AFF3: variants seen among roughly 807,000 people sequenced by gnomAD.
The protein encoded by AFF3 is ALF transcription elongation factor 3.
In AFF3, 32 loss-of-function variants were observed where a neutral mutation model predicts 129.7. The observed-to-expected ratio is 0.25, with a 90% confidence interval of 0.19 to 0.33. The LOEUF (loss-of-function observed/expected upper bound fraction) is 0.33. AFF3 is among the 10% of genes least tolerant of loss of function. The pLI is 1.00. For missense variants in AFF3, 1,373 were observed against 1,592.0 expected (o/e 0.86, Z 2.34); for synonymous variants, 644 against 635.4 (o/e 1.01, Z -0.20).
intron 2 of AFF3, among the ~76,000 whole-genome samples, chr2:100,119,765 G>A (rs1387854620): frequency 2.0e-5 from 3 of 152,204 alleles, no homozygotes; most frequent in African/African-American, 7.2e-5. Context: ...CAGCAACAGT[G>A]TTGCATGTCA....
intron 7 of AFF3, among the ~76,000 whole-genome samples, chr2:99,850,043 T>C (rs1690032011): frequency 6.6e-6 from 1 of 152,204 alleles, no homozygotes; most frequent in Non-Finnish European, 1.5e-5. Flanking sequence ...AATTATAAAG[T>C]ATAGTAGAAT....
At chr2:100,002,575 C>T (rs561174370) in intron 7 of AFF3, among the ~76,000 whole-genome samples, 49 of 152,262 alleles carry the variant, frequency 3.2e-4, no homozygotes, top group African/African-American at 1.0e-3. Flanking sequence ...TCAACCACTA[C>T]GAAAACATCT....
intron 7 of AFF3, among the ~76,000 whole-genome samples, chr2:99,850,221 G>C (rs1488552866): frequency 6.6e-6 from 1 of 152,132 alleles, no homozygotes; most frequent in Admixed American, 6.5e-5. Context: ...TAAACCTGTA[G>C]TATTTTTTCC....
At chr2:99,874,561 G>T (rs1344610347) in intron 7 of AFF3, among the ~76,000 whole-genome samples, 1 of 152,190 alleles carries the variant, frequency 6.6e-6, no homozygotes, top group Non-Finnish European at 1.5e-5. Flanking sequence ...TAAAGCAGAT[G>T]TGGATATATT....
At chr2:99,637,050 C>T (rs1683735476) in intron 13 of AFF3, among the ~76,000 whole-genome samples, 1 of 151,844 alleles carries the variant, frequency 6.6e-6, no homozygotes, top group Admixed American at 6.6e-5. Flanking sequence ...GGGACTGTTC[C>T]AGGGGTGGGA....
intron 2 of AFF3, among the ~76,000 whole-genome samples, chr2:100,127,580 G>A (rs184502659): frequency 6.6e-6 from 1 of 152,152 alleles, no homozygotes; most frequent in Non-Finnish European, 1.5e-5. Context: ...TGCCACTGCT[G>A]CACAAATGCT....
In AFF3 at chr2:99,601,420, C is replaced by T. The variant is rs1436329434; in HGVS notation, c.1371+15G>A. The T allele has an allele frequency of 5.7e-6, 9 of 1,585,306 alleles. No homozygotes were observed. Among genetic ancestry groups the T allele is most frequent in the East Asian group, 2.3e-5 (1 of 44,212 alleles). ...GAAGTGGGCAGAGGAGAGGCCTGAG[C>T]CAGGCAGCGCTTACCTCGGGGCTGG... is the stretch of plus-strand genomic sequence containing the variant. On this transcript the variant is annotated intron_variant, in intron 14 of 24. Transcript: ENST00000672756.
At chr2:99,967,050 C>T (rs1275323639) in intron 7 of AFF3, among the ~76,000 whole-genome samples, 1 of 152,144 alleles carries the variant, frequency 6.6e-6, no homozygotes, top group Non-Finnish European at 1.5e-5. Context: ...GTCCTGATGA[C>T]ATCACTGTGT....
At chr2:99,906,876 C>T (rs1435897487) in intron 7 of AFF3, among the ~76,000 whole-genome samples, 1 of 150,788 alleles carries the variant, frequency 6.6e-6, no homozygotes, top group East Asian at 1.9e-4. Flanking sequence ...CACACACAAT[C>T]TATGTACACA....
chr2:99,923,220 G>C (rs192088084), intron 7 of AFF3, among the ~76,000 whole-genome samples: 1 of 152,136 alleles, frequency 6.6e-6, no homozygotes. Flanking sequence ...GGCAGAATTG[G>C]GGTTCTCTTT....
chr2:99,553,242 G>A (rs562075735), intron 24 of AFF3, among the ~76,000 whole-genome samples: 9 of 152,158 alleles, frequency 5.9e-5, no homozygotes, highest in Non-Finnish European at 1.3e-4. Flanking sequence ...TTCCATGCCA[G>A]CTCCTCTAGC....
At chr2:99,958,424 T>TGAAG (rs1377915184) in intron 7 of AFF3, among the ~76,000 whole-genome samples, 1 of 141,532 alleles carries the variant, frequency 7.1e-6, no homozygotes, top group Non-Finnish European at 1.5e-5. Flanking sequence ...ACCTAGGAGG[T>TGAAG]GAAGGAGCCG....
At chr2:99,606,426 T>C (rs1488290777) in intron 13 of AFF3, among the ~76,000 whole-genome samples, 1 of 152,258 alleles carries the variant, frequency 6.6e-6, no homozygotes, top group Non-Finnish European at 1.5e-5. Context: ...GAAAACATTA[T>C]TGAGATCATG....
At chr2:99,750,820 T>G (rs1209572266) in intron 9 of AFF3, among the ~76,000 whole-genome samples, 1 of 152,218 alleles carries the variant, frequency 6.6e-6, no homozygotes, top group Non-Finnish European at 1.5e-5. Context: ...AAGAGGCATT[T>G]GATCTAACAG....
At chr2:99,993,142 T>A (rs950975365) in intron 7 of AFF3, among the ~76,000 whole-genome samples, 1 of 152,188 alleles carries the variant, frequency 6.6e-6, no homozygotes, top group Non-Finnish European at 1.5e-5. Flanking sequence ...TGCCTCAGAT[T>A]GACAATGATA....
chr2:99,811,691 C>T (rs1311456310), intron 8 of AFF3, among the ~76,000 whole-genome samples: 1 of 152,190 alleles, frequency 6.6e-6, no homozygotes, highest in Non-Finnish European at 1.5e-5. Context: ...TATCCCTGAT[C>T]CATGCTTGCA....
intron 13 of AFF3, among the ~76,000 whole-genome samples, chr2:99,646,858 C>T (rs1378236740): frequency 1.3e-5 from 2 of 152,166 alleles, no homozygotes; most frequent in African/African-American, 4.8e-5. Flanking sequence ...GTTTTAAAAT[C>T]ATTATTTTGA....
intron 7 of AFF3, among the ~76,000 whole-genome samples, chr2:99,916,181 G>GA (rs1405616590): frequency 6.6e-6 from 1 of 152,130 alleles, no homozygotes; most frequent in African/African-American, 2.4e-5. Context: ...TCAGTTAAAA[G>GA]AAAAGCTCTC....
intron 8 of AFF3, among the ~76,000 whole-genome samples, chr2:99,785,747 A>AT (rs1222646343): frequency 6.6e-6 from 1 of 152,020 alleles, no homozygotes; most frequent in Non-Finnish European, 1.5e-5. Context: ...CCTTTAAGTG[A>AT]TTTTTTTATT....
Sources: gnomAD v4.1 joint callset for allele counts (sites outside exome capture counted in the v4.1 genomes callset) on GRCh38, gnomAD v4.1.1 for gene constraint, MANE v1.5 for transcripts, NCBI Gene and HGNC (gene_info 2026-07-23, HGNC 2026-07-21) for gene names.